Variants in FZD2 observed in about 807,000 individuals in gnomAD.
FZD2 encodes the protein frizzled class receptor 2.
FZD2 carries 17 observed loss-of-function variants against 36.7 expected under a neutral mutation model. That is an observed-to-expected ratio of 0.46 (90% CI 0.32 to 0.70). FZD2 has a LOEUF of 0.70. Among genes scored for constraint, FZD2 ranks in the 30% least tolerant of loss-of-function variants. FZD2 has a pLI of 0.04. For synonymous variants in FZD2, 333 were observed against 359.6 expected, an observed-to-expected ratio of 0.93 and a Z score of 0.84; for missense variants, 525 against 805.6, an observed-to-expected ratio of 0.65 and a Z score of 4.22.
At position 44,557,673 on chromosome 17, in the gene FZD2, G is replaced by C. The variant is rs909457318; in HGVS notation, c.-16G>C. 2 of 1,255,540 alleles carry C rather than the reference G, an allele frequency of 1.6e-6. No individual in the cohort carries two copies. The highest frequency in any genetic ancestry group is 1.6e-5 in the African/African-American group (1 of 63,642). The allele number at this position is 1,255,540 out of a possible 1,614,324, so 77.8% of individuals were successfully genotyped here. On this transcript the variant is annotated 5_prime_UTR_variant, in exon 1 of 1. Coordinates refer to ENST00000315323, the MANE Select transcript of FZD2 (RefSeq NM_001466.4). This position sits in a 1 kb window ranked among gnomAD's most constrained non-coding sequence, Gnocchi z 4.9. The stretch of plus-strand genomic sequence containing the variant: ...GGGGGGGGCGCCAAGGAGCCGGGTG[G>C]GGGGCGGCGGCCAGCATGCGGCCCC...
At position 44,557,506 on chromosome 17, in the gene FZD2, G is replaced by A. The variant is rs1414072191; in HGVS notation, c.-183G>A. The A allele has an allele frequency of 6.1e-6, 3 of 492,836 alleles. No homozygotes were observed. The highest frequency in any genetic ancestry group is 1.1e-5 in the Non-Finnish European group (3 of 270,544). The allele number at this position is 492,836 out of a possible 1,614,324, so 30.5% of individuals were successfully genotyped here. A position where few individuals can be genotyped will look rare whatever the true frequency, so the allele number is the denominator to read the frequency against. The stretch of plus-strand genomic sequence containing the variant: ...CTCAGTCCGACCGCGGCAAGCAAGC[G>A]GGCAGGCGCACCGCCCCCTCCCCCG... On this transcript the variant is annotated 5_prime_UTR_variant, in exon 1 of 1. Transcript: ENST00000315323. The surrounding 1 kb of genome is among the most constrained non-coding windows in gnomAD (Gnocchi z 4.9).
Position 44,559,617 on chromosome 17 carries a change from G to T in FZD2, c.*231G>T. 1 of 348,680 alleles carries T rather than the reference G, an allele frequency of 2.9e-6. No individual in the cohort carries two copies. Among genetic ancestry groups the T allele is most frequent in the Non-Finnish European group, 4.5e-6 (1 of 224,530 alleles). 21.6% of individuals were successfully genotyped at this position (348,680 alleles called of 1,614,324 possible). ...ATTTTCTATTTAAAAGAAAAAAGGA[G>T]AAAAAAAAACAGGGGTGTGGGCGCC... On this transcript the variant is annotated 3_prime_UTR_variant, in exon 1 of 1. Transcript: ENST00000315323. The surrounding 1 kb of genome is among the most constrained non-coding windows in gnomAD (Gnocchi z 4.4).
In FZD2 at chr17:44,559,272, G is replaced by A. The variant is rs374652538; in HGVS notation, c.1584G>A (p.Thr528=). The A allele has an allele frequency of 1.9e-6, 3 of 1,613,928 alleles. No homozygotes were observed. The highest frequency in any genetic ancestry group is 2.7e-5 in the African/African-American group (2 of 74,920). Residue 528 remains threonine, a synonymous_variant, in exon 1 of 1, where the codon ACG becomes ACA. Coordinates refer to ENST00000315323, the MANE Select transcript of FZD2 (RefSeq NM_001466.4). This position sits in a 1 kb window ranked among gnomAD's most constrained non-coding sequence, Gnocchi z 4.4. ...FTVYMIKYLM[T]LIVGITSGFW... is the part of the protein sequence containing the mutation. ...TCTACATGATCAAATACCTCATGACGCTCATCGTGGGCATCACGTCGGGCT... is the reference window on the plus strand; with the variant it reads ...TCTACATGATCAAATACCTCATGACACTCATCGTGGGCATCACGTCGGGCT...
chr17:44,559,453 G>A lies in FZD2; in HGVS notation c.*67G>A. On this transcript the variant is annotated 3_prime_UTR_variant, in exon 1 of 1. Transcript: ENST00000315323. This position sits in a 1 kb window ranked among gnomAD's most constrained non-coding sequence, Gnocchi z 4.4. ...CCGGGGTGGGGCCCCTACAGACTCC[G>A]TATTTTATTTTTTTAAATAAAAAAC... 1 of 1,439,722 alleles carries A rather than the reference G, an allele frequency of 6.9e-7. No individual in the cohort carries two copies. The highest frequency in any genetic ancestry group is 2.5e-5 in the East Asian group (1 of 39,678). The allele number at this position is 1,439,722 out of a possible 1,614,324, so 89.2% of individuals were successfully genotyped here. A position where few individuals can be genotyped will look rare whatever the true frequency, so the allele number is the denominator to read the frequency against.
Position 44,557,688 on chromosome 17 carries a change from C to A in FZD2, c.-1C>A. 1 of 1,307,678 alleles carries A rather than the reference C, an allele frequency of 7.6e-7. No homozygotes were observed. Among genetic ancestry groups the A allele is most frequent in the Non-Finnish European group, 9.7e-7 (1 of 1,031,584 alleles). 81.0% of individuals were successfully genotyped at this position (1,307,678 alleles called of 1,614,324 possible). ...GAGCCGGGTGGGGGGCGGCGGCCAG[C>A]ATGCGGCCCCGCAGCGCCCTGCCCC... is the stretch of plus-strand genomic sequence containing the variant. On this transcript the variant is annotated 5_prime_UTR_variant, in exon 1 of 1. Coordinates refer to ENST00000315323, the MANE Select transcript of FZD2 (RefSeq NM_001466.4). This position sits in a 1 kb window ranked among gnomAD's most constrained non-coding sequence, Gnocchi z 4.9.
In FZD2 at chr17:44,560,033, G is replaced by T. The variant is rs185793385; in HGVS notation, c.*647G>T. Among the ~76,000 whole-genome samples the T allele has an allele frequency of 7.9e-5, 12 of 152,018 alleles. No individual in the cohort carries two copies. The highest frequency in any genetic ancestry group is 2.4e-4 in the African/African-American group (10 of 41,362). ...AGACGTGGAAAAAAAAATCGGGGTCGGGGTGTGCTGGTGGGGAGAGGGCAG... is the reference window on the plus strand; with the variant it reads ...AGACGTGGAAAAAAAAATCGGGGTCTGGGTGTGCTGGTGGGGAGAGGGCAG... On this transcript the variant is annotated 3_prime_UTR_variant, in exon 1 of 1. Coordinates refer to ENST00000315323, the MANE Select transcript of FZD2 (RefSeq NM_001466.4).
rs1182540675 is a variant in FZD2 at position 44,558,237 on chromosome 17, G to GGGC, written c.560_562dup (p.Gly187dup). Reference sequence around the variant, plus strand: ...GTGCCGGGGGCACCCCGGGTGGCCCGGGCGGCGGCGGCGCTCCCCCGCGCT... The same window carrying GGGC: ...GTGCCGGGGGCACCCCGGGTGGCCCGGGCGGCGGCGGCGGCGCTCCCCCGCGCT... On this transcript the variant is annotated inframe_insertion, in exon 1 of 1. Coordinates refer to ENST00000315323, the MANE Select transcript of FZD2 (RefSeq NM_001466.4). The surrounding 1 kb of genome is among the most constrained non-coding windows in gnomAD (Gnocchi z 9.3). The GGGC allele has an allele frequency of 1.3e-5, 18 of 1,383,276 alleles. No individual in the cohort carries two copies. The South Asian group carries it at 2.3e-4, about 17-fold the overall frequency. The allele number at this position is 1,383,276 out of a possible 1,614,324, so 85.7% of individuals were successfully genotyped here.
chr17:44,557,796 C>T lies in FZD2; in HGVS notation c.108C>T (p.His36=), dbSNP rs771482999. 6.2e-7 allele frequency: 1 copy of T among 1,613,924 alleles called. No individual in the cohort carries two copies. Among genetic ancestry groups the T allele is most frequent in the Non-Finnish European group, 8.5e-7 (1 of 1,179,986 alleles). The change falls in exon 1 of 1, where the codon CAC becomes CAT. Residue 36 remains histidine (H), a synonymous_variant. Transcript: ENST00000315323. The surrounding 1 kb of genome is among the most constrained non-coding windows in gnomAD (Gnocchi z 4.9). ...AGAAGGGCATCTCCATCCCGGACCA[C>T]GGCTTCTGCCAGCCCATCTCCATCC... is the stretch of plus-strand genomic sequence containing the variant. The part of the protein sequence containing the change: ...HGEKGISIPD[H]GFCQPISIPL...
At position 44,560,400 on chromosome 17, in the gene FZD2, G is replaced by A. The variant is rs1266133559; in HGVS notation, c.*1014G>A. 6.6e-6 allele frequency among the ~76,000 whole-genome samples: 1 copy of A among 152,050 alleles called. No homozygotes were observed. The highest frequency in any genetic ancestry group is 2.4e-5 in the African/African-American group (1 of 41,388). ...TGGCGTTCAGGTTAGCAGTTTCTGG[G>A]TTGGTTTGTGTGGGTTTTTGTTGTT... On this transcript the variant is annotated 3_prime_UTR_variant, in exon 1 of 1. Transcript: ENST00000315323.
At position 44,559,724 on chromosome 17, in the gene FZD2, G is replaced by A. The variant is rs370271773; in HGVS notation, c.*338G>A. Among the ~76,000 whole-genome samples, 254 of 152,076 alleles carry A rather than the reference G, an allele frequency of 1.7e-3. 2 individuals are homozygous for A. In the Middle Eastern group the frequency reaches 0.017, roughly 10 times the overall value. On this transcript the variant is annotated 3_prime_UTR_variant, in exon 1 of 1. Coordinates refer to ENST00000315323, the MANE Select transcript of FZD2 (RefSeq NM_001466.4). The surrounding 1 kb of genome is among the most constrained non-coding windows in gnomAD (Gnocchi z 4.4). ...CTTTCTTAAGTGCCCTTCAAAACCC[G>A]CCCCACTTTTGGAGTTTTTTGGTGA...
chr17:44,558,763 A>G lies in FZD2; in HGVS notation c.1075A>G (p.Lys359Glu). 3.1e-6 allele frequency: 5 copies of G among 1,614,220 alleles called. No individual in the cohort carries two copies. Among genetic ancestry groups the G allele is most frequent in the Non-Finnish European group, 3.4e-6 (4 of 1,180,036 alleles). The change falls in exon 1 of 1, where the codon AAG (lysine) becomes GAG (glutamate). Residue 359 changes from lysine to glutamate, a missense_variant. Around this residue, in one of 5 missense-constraint regions of FZD2, gnomAD observed 189 missense variants for 298.1 expected, o/e 0.63. Coordinates refer to ENST00000315323, the MANE Select transcript of FZD2 (RefSeq NM_001466.4). The surrounding 1 kb of genome is among the most constrained non-coding windows in gnomAD (Gnocchi z 9.3). ...CACCTGGTTCCTGGCAGCCGGCATG[A>G]AGTGGGGCCACGAGGCCATCGAGGC... Reference protein sequence around the residue: ...SLTWFLAAGMKWGHEAIEANS... With the variant: ...SLTWFLAAGMEWGHEAIEANS...
At position 44,559,534 on chromosome 17, in the gene FZD2, AC is replaced by A; in HGVS notation, c.*153del. On this transcript the variant is annotated 3_prime_UTR_variant, in exon 1 of 1. Coordinates refer to ENST00000315323, the MANE Select transcript of FZD2 (RefSeq NM_001466.4). This position sits in a 1 kb window ranked among gnomAD's most constrained non-coding sequence, Gnocchi z 4.4. ...TTTAAAAGAGAACTCTCTGCCCAAC[AC>A]CCCCACAAGGTTTGTAATTAAAACT... The A allele has an allele frequency of 9.6e-7, 1 of 1,046,794 alleles. No individual in the cohort carries two copies. The highest frequency in any genetic ancestry group is 1.3e-6 in the Non-Finnish European group (1 of 772,168). 64.8% of individuals were successfully genotyped at this position (1,046,794 alleles called of 1,614,324 possible).
Position 44,558,580 on chromosome 17 carries a change from T to A in FZD2, c.892T>A (p.Phe298Ile). Residue 298 changes from phenylalanine (F) to isoleucine (I), a missense_variant, in exon 1 of 1, where the codon TTC becomes ATC. This residue lies in a region of FZD2 where 257 missense variants were observed against 344.4 expected (regional missense o/e 0.75). Coordinates refer to ENST00000315323, the MANE Select transcript of FZD2 (RefSeq NM_001466.4). The surrounding 1 kb of genome is among the most constrained non-coding windows in gnomAD (Gnocchi z 9.3). ...GGTGTCGGTGGCCTACATCGCGGGC[T>A]TCGTGCTCCAGGAGCGCGTGGTGTG... ...TMVSVAYIAGFVLQERVVCNE... is the reference protein window; with the variant it reads ...TMVSVAYIAGIVLQERVVCNE... The A allele has an allele frequency of 6.2e-7, 1 of 1,609,382 alleles. No homozygotes were observed. The highest frequency in any genetic ancestry group is 8.5e-7 in the Non-Finnish European group (1 of 1,177,506).
rs568237550 is a variant in FZD2, at chr17:44,560,788, G to C, written c.*1402G>C. Among the ~76,000 whole-genome samples the C allele has an allele frequency of 5.3e-5, 8 of 152,214 alleles. No homozygotes were observed. In the South Asian group the frequency reaches 8.3e-4, roughly 16 times the overall value. On this transcript the variant is annotated 3_prime_UTR_variant, in exon 1 of 1. Coordinates refer to ENST00000315323, the MANE Select transcript of FZD2 (RefSeq NM_001466.4). Reference sequence around the variant, plus strand: ...CGCCCAGGCTGGAGTGCAGTGGTGCGATCTTGGCTCACTGCAACCTCCACT... The same window carrying C: ...CGCCCAGGCTGGAGTGCAGTGGTGCCATCTTGGCTCACTGCAACCTCCACT...
chr17:44,559,215 C>T lies in FZD2; in HGVS notation c.1527C>T (p.His509=). 1 of 1,614,026 alleles carries T rather than the reference C, an allele frequency of 6.2e-7. No homozygotes were observed. The highest frequency in any genetic ancestry group is 8.5e-7 in the Non-Finnish European group (1 of 1,180,008). ...CKSLAIPCPA[H]YTPRMSPDFT... is the part of the protein sequence containing the mutation. The stretch of plus-strand genomic sequence containing the variant: ...GCCTGGCCATCCCGTGCCCGGCGCA[C>T]TACACGCCGCGCATGTCGCCCGACT... The change falls in exon 1 of 1, where the codon CAC becomes CAT. Residue 509 remains histidine (H), a synonymous_variant. Coordinates refer to ENST00000315323, the MANE Select transcript of FZD2 (RefSeq NM_001466.4). The surrounding 1 kb of genome is among the most constrained non-coding windows in gnomAD (Gnocchi z 4.4).
rs751946750 is a variant in FZD2, at chr17:44,559,387, G to A, written c.*1G>A. ...CCGACACGGTGAGACCACCGTGTGA[G>A]GGACGCCCCCAGGCCGGAACCGCGC... On this transcript the variant is annotated 3_prime_UTR_variant, in exon 1 of 1. Coordinates refer to ENST00000315323, the MANE Select transcript of FZD2 (RefSeq NM_001466.4). This position sits in a 1 kb window ranked among gnomAD's most constrained non-coding sequence, Gnocchi z 4.4. The A allele has an allele frequency of 1.3e-6, 2 of 1,596,244 alleles. No individual in the cohort carries two copies. Among genetic ancestry groups the A allele is most frequent in the Non-Finnish European group, 1.7e-6 (2 of 1,170,360 alleles).
In FZD2 at chr17:44,557,648, G is replaced by GA; in HGVS notation, c.-41_-40insA. 9.2e-7 allele frequency: 1 copy of GA among 1,090,596 alleles called. No individual in the cohort carries two copies. Among genetic ancestry groups the GA allele is most frequent in the Middle Eastern group, 3.6e-4 (1 of 2,808 alleles). 67.6% of individuals were successfully genotyped at this position (1,090,596 alleles called of 1,614,324 possible). On this transcript the variant is annotated 5_prime_UTR_variant, in exon 1 of 1. Coordinates refer to ENST00000315323, the MANE Select transcript of FZD2 (RefSeq NM_001466.4). The surrounding 1 kb of genome is among the most constrained non-coding windows in gnomAD (Gnocchi z 4.9). The stretch of plus-strand genomic sequence containing the variant: ...CAGTCTCCGGGTTGGGGGCGGGGGC[G>GA]GGGGGGGCGCCAAGGAGCCGGGTGG...
Position 44,558,198 on chromosome 17 carries a change from G to C in FZD2, c.510G>C (p.Pro170=), listed in dbSNP as rs1057399025. ...CGCTACTCACCACCGCGCCGCCGCCGGGACTGCAGCCGGGTGCCGGGGGCA... is the reference window on the plus strand; with the variant it reads ...CGCTACTCACCACCGCGCCGCCGCCCGGACTGCAGCCGGGTGCCGGGGGCA... ...APALLTTAPP[P]GLQPGAGGTP... Residue 170 remains proline, a synonymous_variant, in exon 1 of 1, where the codon CCG becomes CCC. Transcript: ENST00000315323. The surrounding 1 kb of genome is among the most constrained non-coding windows in gnomAD (Gnocchi z 9.3). 3.3e-5 allele frequency: 49 copies of C among 1,473,542 alleles called. No individual in the cohort carries two copies. The highest frequency in any genetic ancestry group is 4.2e-5 in the Non-Finnish European group (47 of 1,118,022). The allele number at this position is 1,473,542 out of a possible 1,614,324, so 91.3% of individuals were successfully genotyped here. A position where few individuals can be genotyped will look rare whatever the true frequency, so the allele number is the denominator to read the frequency against.
Position 44,560,005 on chromosome 17 carries a change from TGAA to T in FZD2, c.*622_*624del, listed in dbSNP as rs1272468270. On this transcript the variant is annotated 3_prime_UTR_variant, in exon 1 of 1. Coordinates refer to ENST00000315323, the MANE Select transcript of FZD2 (RefSeq NM_001466.4). Reference sequence around the variant, plus strand: ...ACTCTTGGAAAAGTCCCAACAGAGATGAAGACGTGGAAAAAAAAATCGGGGTCG... The same window carrying T: ...ACTCTTGGAAAAGTCCCAACAGAGATGACGTGGAAAAAAAAATCGGGGTCG... 6.8e-6 allele frequency among the ~76,000 whole-genome samples: 1 copy of T among 147,108 alleles called. No individual in the cohort carries two copies.
Sources: allele counts gnomAD v4.1 joint callset (sites outside exome capture counted in the v4.1 genomes callset), GRCh38; gene constraint gnomAD v4.1.1; regional missense constraint gnomAD v4.1.1; non-coding constraint Gnocchi (gnomAD v3.1); transcripts MANE v1.5; gene names NCBI Gene and HGNC (gene_info 2026-07-23, HGNC 2026-07-21).